Variants in SNUPN observed in about 807,000 individuals in gnomAD.
The protein encoded by SNUPN is snurportin 1.
In SNUPN, 31 loss-of-function variants were observed where a neutral mutation model predicts 39.2. That is an observed-to-expected ratio of 0.79 (90% CI 0.59 to 1.07). SNUPN has a LOEUF of 1.07. Ranked by LOEUF, SNUPN falls within the 50% of genes least tolerant of loss-of-function variation. The pLI is 0.00. For synonymous variants in SNUPN, 132 were observed against 159.0 expected (o/e 0.83, Z 1.28); for missense variants, 382 against 434.2 (o/e 0.88, Z 1.07).
chr15:75,601,440 T>G (rs1043305181), intron 7 of SNUPN, among the ~76,000 whole-genome samples: 4 of 152,032 alleles, frequency 2.6e-5, no homozygotes, highest in African/African-American at 9.7e-5. Context: ...CCAGGCATAG[T>G]GGCATGTGCC....
upstream of SNUPN, chr15:75,626,323 C>G (rs1224825978): frequency 6.6e-6 from 1 of 152,168 alleles, no homozygotes; most frequent in Non-Finnish European, 1.5e-5. Flanking sequence ...TGGCTTGATT[C>G]CTATTTAAGT....
intron 1 of SNUPN, chr15:75,624,681 A>T (rs1260317120): frequency 8.4e-7 from 1 of 1,187,714 alleles, no homozygotes; most frequent in Non-Finnish European, 1.1e-6. Context: ...AAAAAGAAAA[A>T]CTGATGTCCT....
chr15:75,620,149 C>G (rs1893032452), intron 2 of SNUPN, among the ~76,000 whole-genome samples: 1 of 152,126 alleles, frequency 6.6e-6, no homozygotes, highest in South Asian at 2.1e-4. Context: ...GGAATGTATT[C>G]TGCAAGCCAC....
chr15:75,613,258 C>CAAAA (rs905447706), intron 3 of SNUPN, among the ~76,000 whole-genome samples: 3 of 40,608 alleles, frequency 7.4e-5, no homozygotes, highest in Non-Finnish European at 1.2e-4. Context: ...GACTCCATCT[C>CAAAA]AAAAAAAAAA....
chr15:75,604,553 T>C (rs2075316590), intron 7 of SNUPN, among the ~76,000 whole-genome samples: 1 of 152,190 alleles, frequency 6.6e-6, no homozygotes. Context: ...CATATTTAAA[T>C]CACTGATTAT....
chr15:75,607,332 A>G lies in SNUPN; in HGVS notation c.503-19T>C, dbSNP rs2075338888. ...GTGTAGTCTGAGGACACAAAGCAGA[A>G]AGTCAGCACAGAGTTCTTCTTCCAA... On this transcript the variant is annotated intron_variant, in intron 5 of 8. Transcript: ENST00000308588. The G allele has an allele frequency of 6.5e-7, 1 of 1,545,130 alleles. No homozygotes were observed. Among genetic ancestry groups the G allele is most frequent in the Non-Finnish European group, 9.0e-7 (1 of 1,117,250 alleles).
At chr15:75,603,965 A>C (rs929711923) in intron 7 of SNUPN, among the ~76,000 whole-genome samples, 1 of 152,096 alleles carries the variant, frequency 6.6e-6, no homozygotes, top group Non-Finnish European at 1.5e-5. Flanking sequence ...TAACAACAGC[A>C]CATATCTACT....
At chr15:75,610,585 C>G (rs1291870805) in intron 3 of SNUPN, among the ~76,000 whole-genome samples, 3 of 152,054 alleles carry the variant, frequency 2.0e-5, no homozygotes, top group East Asian at 1.9e-4. Context: ...GCCTCACCTC[C>G]CGGGTCAGGG....
At chr15:75,601,824 A>G (rs182773590) in intron 7 of SNUPN, among the ~76,000 whole-genome samples, 10 of 152,300 alleles carry the variant, frequency 6.6e-5, no homozygotes, top group African/African-American at 2.4e-4. Flanking sequence ...ATCCTTCTCT[A>G]CTAATTCCCC....
chr15:75,619,022 TAAAAAAAAAAAAA>T (rs35749195), intron 2 of SNUPN, among the ~76,000 whole-genome samples: 3 of 74,352 alleles, frequency 4.0e-5, no homozygotes, highest in African/African-American at 1.2e-4. Context: ...CTACTTGTGT[TAAAAAAAAAAAAA>T]AAAAAAAAAA....
chr15:75,617,675 G>A, intron 2 of SNUPN, 123 bp from the exon 3 acceptor site: 1 of 1,049,288 alleles, frequency 9.5e-7, no homozygotes, highest in Admixed American at 3.0e-5. Flanking sequence ...TCAACCTCCT[G>A]GGCTCAAGTG....
intron 6 of SNUPN, among the ~76,000 whole-genome samples, chr15:75,606,017 C>T (rs1451538538): frequency 4.6e-5 from 7 of 152,100 alleles, no homozygotes; most frequent in Admixed American, 2.0e-4. Context: ...TGGTGGCAAG[C>T]GCCTGTAATC....
chr15:75,617,351 G>A (rs1263646643), intron 3 of SNUPN, 57 bp downstream of exon 3: 1 of 1,557,970 alleles, frequency 6.4e-7, no homozygotes, highest in South Asian at 1.2e-5. Flanking sequence ...AGTGGGCTTT[G>A]ACTGCATAGT....
chr15:75,598,990 GA>G (rs1427701207), intron 8 of SNUPN, among the ~76,000 whole-genome samples: 1 of 151,670 alleles, frequency 6.6e-6, no homozygotes, highest in Non-Finnish European at 1.5e-5. Flanking sequence ...AACATGGTAA[GA>G]CTCCATTTCT....
chr15:75,607,332 A>C lies in SNUPN; in HGVS notation c.503-19T>G. 6.5e-7 allele frequency: 1 copy of C among 1,545,130 alleles called. No individual in the cohort carries two copies. Among genetic ancestry groups the C allele is most frequent in the Non-Finnish European group, 9.0e-7 (1 of 1,117,250 alleles). ...GTGTAGTCTGAGGACACAAAGCAGA[A>C]AGTCAGCACAGAGTTCTTCTTCCAA... On this transcript the variant is annotated intron_variant, in intron 5 of 8. Transcript: ENST00000308588.
At chr15:75,621,974 T>C (rs1893084456) in intron 1 of SNUPN, among the ~76,000 whole-genome samples, 1 of 152,170 alleles carries the variant, frequency 6.6e-6, no homozygotes, top group South Asian at 2.1e-4. Flanking sequence ...AGGCGGAGGT[T>C]GCAGTGAGCC....
chr15:75,610,814 G>T (rs775147937), intron 3 of SNUPN, among the ~76,000 whole-genome samples: 1 of 152,158 alleles, frequency 6.6e-6, no homozygotes, highest in South Asian at 2.1e-4. Context: ...CAAAAACAGT[G>T]ATGTGGTGAA....
intron 3 of SNUPN, among the ~76,000 whole-genome samples, chr15:75,615,875 T>C (rs1289544742): frequency 6.6e-6 from 1 of 151,998 alleles, no homozygotes; most frequent in Non-Finnish European, 1.5e-5. Context: ...CCCAAAGTGC[T>C]GGGATTACAG....
Position 75,620,974 on chromosome 15 carries a change from G to A in SNUPN, c.78C>T (p.Pro26=), listed in dbSNP as rs1893053927. Residue 26 remains proline, a synonymous_variant, in exon 2 of 9, where the codon CCC becomes CCT. Transcript: ENST00000308588. Reference sequence around the variant, plus strand: ...ACTTGGACTTGTACTGGGATAGGCGGGGGTGTGGGGCAGCTGTGCTGTTCA... The same window carrying A: ...ACTTGGACTTGTACTGGGATAGGCGAGGGTGTGGGGCAGCTGTGCTGTTCA... ...QDLNSTAAPH[P]RLSQYKSKYS... 1 of 1,614,120 alleles carries A rather than the reference G, an allele frequency of 6.2e-7. No individual in the cohort carries two copies. The highest frequency in any genetic ancestry group is 8.5e-7 in the Non-Finnish European group (1 of 1,179,978).
Sources: gnomAD v4.1 joint callset for allele counts (sites outside exome capture counted in the v4.1 genomes callset) on GRCh38, gnomAD v4.1.1 for gene constraint, MANE v1.5 for transcripts, NCBI Gene and HGNC (gene_info 2026-07-23, HGNC 2026-07-21) for gene names.